Variants in TMEM132C observed in about 807,000 individuals in gnomAD.
TMEM132C encodes the protein transmembrane protein 132C.
TMEM132C carries 29 observed loss-of-function variants against 61.4 expected under a neutral mutation model. That is an observed-to-expected ratio of 0.47 (90% CI 0.35 to 0.64). The LOEUF is 0.64. Among genes scored for constraint, TMEM132C ranks in the 30% least tolerant of loss-of-function variants. TMEM132C has a pLI of 0.00. For synonymous variants in TMEM132C, 656 were observed against 633.1 expected (o/e 1.04, Z -0.54); for missense variants, 1,408 against 1,476.9 (o/e 0.95, Z 0.76).
At chr12:128,691,340 T>G (rs1954717887) in intron 5 of TMEM132C, among the ~76,000 whole-genome samples, 1 of 152,242 alleles carries the variant, frequency 6.6e-6, no homozygotes, top group Non-Finnish European at 1.5e-5. Flanking sequence ...TCTCACTGCA[T>G]CGTCCATCAA....
At chr12:128,272,869 C>T (rs983175876) in intron 1 of TMEM132C, among the ~76,000 whole-genome samples, 5 of 152,052 alleles carry the variant, frequency 3.3e-5, no homozygotes, top group South Asian at 2.1e-4. Flanking sequence ...TTTCCTGTTA[C>T]GATTTTTGAG....
chr12:128,322,110 T>A (rs61938412), intron 1 of TMEM132C, among the ~76,000 whole-genome samples: 14,262 of 152,340 alleles, frequency 0.094, 867 homozygotes, highest in East Asian at 0.16. Context: ...ACTTATCTGA[T>A]GAATCAAATT....
At chr12:128,681,817 A>ATTTTTTTTTTTT (rs35154554) in intron 5 of TMEM132C, among the ~76,000 whole-genome samples, 257 of 86,432 alleles carry the variant, frequency 3.0e-3, no homozygotes, top group African/African-American at 3.8e-3. Context: ...CCACGCCTGG[A>ATTTTTTTTTTTT]TTTTTTTTTT....
At position 128,549,418 on chromosome 12, in the gene TMEM132C, G is replaced by A. The variant is rs142286439; in HGVS notation, c.1121+5315G>A. Among the ~76,000 whole-genome samples, 79 of 152,196 alleles carry A rather than the reference G, an allele frequency of 5.2e-4. 1 individual carries two copies. Among genetic ancestry groups the A allele is most frequent in the African/African-American group, 1.8e-3 (73 of 41,548 alleles). ...TAAAGCCACCATCACCCCCCGGCGC[G>A]TCAAAGGGCTGCTTGGCTCGGAAAA... On this transcript the variant is annotated intron_variant, in intron 3 of 8. Coordinates refer to ENST00000435159, the MANE Select transcript of TMEM132C (RefSeq NM_001136103.3).
intron 2 of TMEM132C, among the ~76,000 whole-genome samples, chr12:128,456,322 A>G (rs570496543): frequency 8.5e-6 from 1 of 117,974 alleles, no homozygotes; most frequent in South Asian, 2.9e-4. Context: ...AACATAATTT[A>G]CTACATTAAA....
At chr12:128,660,573 CTTG>C (rs1394550060) in intron 4 of TMEM132C, among the ~76,000 whole-genome samples, 5 of 152,208 alleles carry the variant, frequency 3.3e-5, no homozygotes, top group African/African-American at 1.2e-4. Context: ...GGGCTTCCCA[CTTG>C]TTGTTTGTGG....
intron 1 of TMEM132C, among the ~76,000 whole-genome samples, chr12:128,271,848 A>G (rs1253838548): frequency 6.6e-6 from 1 of 152,258 alleles, no homozygotes; most frequent in African/African-American, 2.4e-5. Context: ...AGCAGAGGTT[A>G]AAACAAAGCC....
At chr12:128,645,182 T>C (rs1954186887) in intron 4 of TMEM132C, among the ~76,000 whole-genome samples, 1 of 152,212 alleles carries the variant, frequency 6.6e-6, no homozygotes, top group Non-Finnish European at 1.5e-5. Flanking sequence ...CCACCGTCTG[T>C]GGAGGGTCTG....
At chr12:128,621,783 C>T (rs1220728259) in intron 4 of TMEM132C, among the ~76,000 whole-genome samples, 5 of 152,218 alleles carry the variant, frequency 3.3e-5, no homozygotes, top group Non-Finnish European at 7.3e-5. Flanking sequence ...TGGGCTCCAG[C>T]ATCTCAACTG....
chr12:128,401,725 T>C (rs1388329359), intron 1 of TMEM132C, among the ~76,000 whole-genome samples: 1 of 152,164 alleles, frequency 6.6e-6, no homozygotes, highest in African/African-American at 2.4e-5. Context: ...TCACTGTAAG[T>C]GGGTTCCTCA....
intron 2 of TMEM132C, among the ~76,000 whole-genome samples, chr12:128,529,868 G>A (rs1026578286): frequency 2.0e-5 from 3 of 152,114 alleles, no homozygotes; most frequent in African/African-American, 7.2e-5. Flanking sequence ...GTTCAAACCA[G>A]TTACAGAAAA....
chr12:128,389,327 G>C (rs1348136849), intron 1 of TMEM132C, among the ~76,000 whole-genome samples: 2 of 152,200 alleles, frequency 1.3e-5, no homozygotes, highest in Admixed American at 1.3e-4. Context: ...GGAGATAGCA[G>C]GAGGAGCCAT....
intron 1 of TMEM132C, among the ~76,000 whole-genome samples, chr12:128,340,941 TC>T (rs1872959954): frequency 2.3e-5 from 3 of 128,082 alleles, no homozygotes; most frequent in African/African-American, 3.8e-5. Flanking sequence ...TCTCTCTCTC[TC>T]TCTTTCTTTC....
intron 4 of TMEM132C, among the ~76,000 whole-genome samples, chr12:128,620,879 G>A (rs1195286737): frequency 1.3e-5 from 2 of 151,854 alleles, no homozygotes; most frequent in Non-Finnish European, 2.9e-5. Context: ...AAATAAAGTG[G>A]CAATCAGTAG....
chr12:128,544,253 C>A, intron 3 of TMEM132C, 150 bp downstream of exon 3: 2 of 1,184,806 alleles, frequency 1.7e-6, no homozygotes, highest in Non-Finnish European at 2.3e-6. Flanking sequence ...CATTGATATC[C>A]ATGCAGGACC....
chr12:128,410,150 TTTTA>T (rs1197285395), intron 1 of TMEM132C, among the ~76,000 whole-genome samples: 2 of 152,174 alleles, frequency 1.3e-5, no homozygotes, highest in African/African-American at 2.4e-5. Context: ...CTTGCTTACA[TTTTA>T]TTTATTTCAA....
At chr12:128,658,384 C>T (rs936579160) in intron 4 of TMEM132C, among the ~76,000 whole-genome samples, 5 of 152,282 alleles carry the variant, frequency 3.3e-5, no homozygotes, top group South Asian at 2.1e-4. Flanking sequence ...GAACCTGCCA[C>T]ATGAGCTATC....
At chr12:128,484,834 T>A (rs1871434125) in intron 2 of TMEM132C, among the ~76,000 whole-genome samples, 1 of 152,074 alleles carries the variant, frequency 6.6e-6, no homozygotes, top group Admixed American at 6.6e-5. Flanking sequence ...AGTGCATGCC[T>A]GTAGTCCCAG....
intron 4 of TMEM132C, among the ~76,000 whole-genome samples, chr12:128,638,635 G>A (rs564377038): frequency 6.6e-5 from 10 of 152,172 alleles, no homozygotes; most frequent in African/African-American, 1.9e-4. Flanking sequence ...AGGTGGTTAC[G>A]GAATTTAAAC....
Sources: gnomAD v4.1 joint callset for allele counts (sites outside exome capture counted in the v4.1 genomes callset) on GRCh38, gnomAD v4.1.1 for gene constraint, MANE v1.5 for transcripts, NCBI Gene and HGNC (gene_info 2026-07-23, HGNC 2026-07-21) for gene names.